C2orf69: variants seen among roughly 807,000 people sequenced by gnomAD.
C2orf69 encodes mitochondrial protein C2orf69.
In C2orf69, 19 loss-of-function variants were observed where a neutral mutation model predicts 29.5. That is an observed-to-expected ratio of 0.65 (90% CI 0.45 to 0.95). C2orf69 has a LOEUF of 0.95. Ranked by LOEUF, C2orf69 falls within the 40% of genes least tolerant of loss-of-function variation. C2orf69 has a pLI of 0.00. For missense variants in C2orf69, 416 were observed against 482.1 expected (o/e 0.86, Z 1.28); for synonymous variants, 194 against 180.0 (o/e 1.08, Z -0.62).
Position 199,925,882 on chromosome 2 carries a change from T to G in C2orf69, c.1154T>G (p.Phe385Cys). The part of the protein sequence containing the change: ...IENHFRVHEV[F>C] Reference sequence around the variant, plus strand: ...AATCACTTCAGGGTTCATGAAGTATTTTGAGATTACAGGTATATTAATGAA... The same window carrying G: ...AATCACTTCAGGGTTCATGAAGTATGTTGAGATTACAGGTATATTAATGAA... Residue 385 changes from phenylalanine to cysteine, a missense_variant, in exon 2 of 2, where the codon TTT (phenylalanine) becomes TGT (cysteine). By Grantham distance (205) the Phe-to-Cys change is radical. Coordinates refer to ENST00000319974, the MANE Select transcript of C2orf69 (RefSeq NM_153689.6). This position sits in a 1 kb window ranked among gnomAD's most constrained non-coding sequence, Gnocchi z 4.9. 1 of 1,602,034 alleles carries G rather than the reference T, an allele frequency of 6.2e-7. No individual in the cohort carries two copies. Among genetic ancestry groups the G allele is most frequent in the East Asian group, 2.2e-5 (1 of 44,726 alleles).
intron 1 of C2orf69, among the ~76,000 whole-genome samples, chr2:199,919,928 T>C (rs931606572): frequency 5.9e-5 from 9 of 152,214 alleles, no homozygotes; most frequent in African/African-American, 2.2e-4. Flanking sequence ...AAAAATCCAT[T>C]GTTCGTTACT....
rs1238947725 is a variant in C2orf69, at chr2:199,911,753, T to A, written c.315T>A (p.Tyr105Ter). The stretch of plus-strand genomic sequence containing the variant: ...CGCCGCCCCAGCATCACGTCCTCTA[T>A]TTCCCTGGGGATGTGCAGGTAACTC... Reference protein sequence around the residue: ...PQPPPQHHVLYFPGDVQNYHE... With the variant: ...PQPPPQHHVL Residue 105 changes from tyrosine to a stop codon, truncating the protein, a stop_gained, in exon 1 of 2, where the codon TAT (tyrosine) becomes TAA (stop). Coordinates refer to ENST00000319974, the MANE Select transcript of C2orf69 (RefSeq NM_153689.6). LOFTEE classifies it high-confidence loss of function. 1 of 1,539,614 alleles carries A rather than the reference T, an allele frequency of 6.5e-7. No homozygotes were observed. Among genetic ancestry groups the A allele is most frequent in the East Asian group, 2.4e-5 (1 of 40,912 alleles).
intron 1 of C2orf69, among the ~76,000 whole-genome samples, chr2:199,920,013 T>C (rs956346114): frequency 5.3e-5 from 8 of 152,208 alleles, no homozygotes; most frequent in Non-Finnish European, 8.8e-5. Context: ...AGGCATTCTT[T>C]AAACTCTCAA....
At chr2:199,920,991 C>T (rs1224033447) in intron 1 of C2orf69, among the ~76,000 whole-genome samples, 2 of 108,662 alleles carry the variant, frequency 1.8e-5, no homozygotes, top group Admixed American at 9.9e-5. Flanking sequence ...TGTTGGCCTT[C>T]TAGGAATTAG....
At position 199,911,310 on chromosome 2, in the gene C2orf69, C is replaced by T. The variant is rs959031351; in HGVS notation, c.-129C>T. 1.7e-6 allele frequency: 2 copies of T among 1,181,202 alleles called. No individual in the cohort carries two copies. Among genetic ancestry groups the T allele is most frequent in the Non-Finnish European group, 2.2e-6 (2 of 900,842 alleles). 73.2% of individuals were successfully genotyped at this position (1,181,202 alleles called of 1,614,324 possible). ...ACGTCGGCCTCTGACGTCGTCGCCT[C>T]AGCGCCGGCTCCCGGCCGGGCCGCG... is the stretch of plus-strand genomic sequence containing the variant. On this transcript the variant is annotated 5_prime_UTR_variant, in exon 1 of 2. Transcript: ENST00000319974.
At chr2:199,916,314 A>G (rs1490139380) in intron 1 of C2orf69, among the ~76,000 whole-genome samples, 1 of 152,056 alleles carries the variant, frequency 6.6e-6, no homozygotes, top group Non-Finnish European at 1.5e-5. Flanking sequence ...CCCTCTCACA[A>G]CACATGGGGA....
Position 199,911,570 on chromosome 2 carries a change from CCT to C in C2orf69, c.136_137del (p.Ser46GlyfsTer69). 1 of 1,549,740 alleles carries C rather than the reference CCT, an allele frequency of 6.5e-7. No individual in the cohort carries two copies. Among genetic ancestry groups the C allele is most frequent in the Non-Finnish European group, 8.7e-7 (1 of 1,146,714 alleles). On this transcript the variant is annotated frameshift_variant, in exon 1 of 2. Transcript: ENST00000319974. LOFTEE classifies it high-confidence loss of function. ...PGGSGGARCS[L>X]SAEVRRRQCL... ...GCGGCAGCGGCGGCGCGCGATGCTC[CCT>C]CTCGGCCGAGGTGCGCCGCCGTCAG...
In C2orf69 at chr2:199,925,385, T is replaced by C; in HGVS notation, c.657T>C (p.Cys219=). 1 of 1,613,756 alleles carries C rather than the reference T, an allele frequency of 6.2e-7. No homozygotes were observed. The highest frequency in any genetic ancestry group is 1.3e-5 in the African/African-American group (1 of 75,050). The change falls in exon 2 of 2, where the codon TGT becomes TGC. Residue 219 remains cysteine (C), a synonymous_variant. Transcript: ENST00000319974. This position sits in a 1 kb window ranked among gnomAD's most constrained non-coding sequence, Gnocchi z 4.9. ...ATAAGGACTCCATAGCATCTAACTG[T>C]AGATCCAGTCCTTCTCATACTACGA... is the stretch of plus-strand genomic sequence containing the variant. The part of the protein sequence containing the change: ...VWNKDSIASN[C]RSSPSHTTNG...
At chr2:199,912,532 C>T (rs1410742305) in intron 1 of C2orf69, among the ~76,000 whole-genome samples, 1 of 152,144 alleles carries the variant, frequency 6.6e-6, no homozygotes, top group East Asian at 1.9e-4. Context: ...CTACAGATGG[C>T]TTGCGTGTGC....
chr2:199,911,843 C>T, intron 1 of C2orf69, 72 bp downstream of exon 1: 2 of 1,528,706 alleles, frequency 1.3e-6, no homozygotes, highest in African/African-American at 1.4e-5. Context: ...ATTCTTCCCT[C>T]GTGGCTGCTG....
intron 1 of C2orf69, among the ~76,000 whole-genome samples, chr2:199,918,858 T>C (rs926289144): frequency 2.0e-5 from 3 of 152,248 alleles, no homozygotes; most frequent in African/African-American, 7.2e-5. Context: ...TTTTGTTAAT[T>C]TGTCATATAG....
chr2:199,913,454 CTA>C (rs2077281509), intron 1 of C2orf69, among the ~76,000 whole-genome samples: 1 of 71,626 alleles, frequency 1.4e-5, no homozygotes, highest in East Asian at 3.3e-4. Flanking sequence ...AATATATATT[CTA>C]TTATATAAAA....
In C2orf69 at chr2:199,922,036, T is replaced by TATATATAATATATATATATATAATATATA. The variant is rs915410477; in HGVS notation, c.334-3019_334-3018insATATATATATATATAATATATAATATATA. Among the ~76,000 whole-genome samples the TATATATAATATATATATATATAATATATA allele has an allele frequency of 4.5e-5, 6 of 133,278 alleles. 1 individual carries two copies. Among genetic ancestry groups the TATATATAATATATATATATATAATATATA allele is most frequent in the African/African-American group, 1.7e-4 (6 of 35,700 alleles). The allele number at this position is 133,278 out of a possible 152,430, so 87.4% of individuals were successfully genotyped here. On this transcript the variant is annotated intron_variant, in intron 1 of 1. Coordinates refer to ENST00000319974, the MANE Select transcript of C2orf69 (RefSeq NM_153689.6). ...CAAGGCTGCCACTGTTATTTTTATATATATATATATATATATATGCTTCCA... is the reference window on the plus strand; with the variant it reads ...CAAGGCTGCCACTGTTATTTTTATATATATATAATATATATATATATAATATATAATATATATATATATATATGCTTCCA...
intron 1 of C2orf69, among the ~76,000 whole-genome samples, chr2:199,914,349 CT>C (rs917442991): frequency 6.6e-6 from 1 of 152,144 alleles, no homozygotes; most frequent in Admixed American, 6.5e-5. Context: ...ATCTTTACCC[CT>C]ATGCAGTCTT....
chr2:199,911,744 C>G lies in C2orf69; in HGVS notation c.306C>G (p.His102Gln). The change falls in exon 1 of 2, where the codon CAC becomes CAG. Residue 102 changes from histidine (H) to glutamine (Q), a missense_variant. Physicochemically the swap from His to Gln is conservative, Grantham distance 24. This residue lies in a region of C2orf69 where 225 missense variants were observed against 307.3 expected (regional missense o/e 0.73). Transcript: ENST00000319974. The part of the protein sequence containing the change: ...KEEPQPPPQH[H>Q]VLYFPGDVQN... The stretch of plus-strand genomic sequence containing the variant: ...AGCCGCAGCCGCCGCCCCAGCATCA[C>G]GTCCTCTATTTCCCTGGGGATGTGC... 6.5e-7 allele frequency: 1 copy of G among 1,540,660 alleles called. No individual in the cohort carries two copies.
chr2:199,918,519 G>A (rs1005055639), intron 1 of C2orf69, among the ~76,000 whole-genome samples: 1 of 151,908 alleles, frequency 6.6e-6, no homozygotes, highest in Non-Finnish European at 1.5e-5. Context: ...GTGCCACCAC[G>A]CCTGGGTAAT....
chr2:199,924,998 T>C (rs1434657644), intron 1 of C2orf69, 64 bp from the exon 2 acceptor site: 15 of 1,021,580 alleles, frequency 1.5e-5, no homozygotes, highest in Non-Finnish European at 2.0e-5. Context: ...TGGAAACTTA[T>C]TTTGTGGAAA....
intron 1 of C2orf69, among the ~76,000 whole-genome samples, chr2:199,923,322 G>A (rs1044232521): frequency 6.6e-6 from 1 of 152,072 alleles, no homozygotes; most frequent in African/African-American, 2.4e-5. Flanking sequence ...GTCCAGTATC[G>A]TAGCCACTAA....
At position 199,927,307 on chromosome 2, in the gene C2orf69, C is replaced by CA. The variant is rs1574784969; in HGVS notation, c.*1421_*1422insA. ...AGGGAAGTAACATGCTGCTTTAGGA[C>CA]TAAAAAAAAAAAAAAAAAAAAGACA... On this transcript the variant is annotated 3_prime_UTR_variant, in exon 2 of 2. Coordinates refer to ENST00000319974, the MANE Select transcript of C2orf69 (RefSeq NM_153689.6). 2.6e-5 allele frequency: 1 copy of CA among 37,850 alleles called. No individual in the cohort carries two copies. The highest frequency in any genetic ancestry group is 1.0e-3 in the South Asian group (1 of 968). 2.3% of individuals were successfully genotyped at this position (37,850 alleles called of 1,614,324 possible).
Sources: allele counts gnomAD v4.1 joint callset (sites outside exome capture counted in the v4.1 genomes callset), GRCh38; gene constraint gnomAD v4.1.1; regional missense constraint gnomAD v4.1.1; non-coding constraint Gnocchi (gnomAD v3.1); transcripts MANE v1.5; gene names NCBI Gene and HGNC (gene_info 2026-07-23, HGNC 2026-07-21).